The following RBMS3 variants were observed in gnomAD, a reference collection of about 807,000 sequenced individuals.
RBMS3 encodes RNA-binding motif, single-stranded-interacting protein 3.
Under a neutral mutation model 66.8 loss-of-function variants are expected in RBMS3, and 27 were observed. That is an observed-to-expected ratio of 0.40 (90% CI 0.30 to 0.56). RBMS3 has a LOEUF of 0.56. RBMS3 is among the 20% of genes least tolerant of loss of function. The probability of loss-of-function intolerance (pLI) is 0.40; values close to 1 mark genes in which losing one functional copy is unlikely to be tolerated. For missense variants in RBMS3, 513 were observed against 549.5 expected, an observed-to-expected ratio of 0.93 and a Z score of 0.66; for synonymous variants, 188 against 183.0, an observed-to-expected ratio of 1.03 and a Z score of -0.22.
intron 6 of RBMS3, among the ~76,000 whole-genome samples, chr3:29,830,689 C>A (rs1159719472): frequency 1.3e-5 from 2 of 152,078 alleles, no homozygotes; most frequent in East Asian, 3.9e-4. Context: ...TTAACTTCTA[C>A]TCAGACAGTA....
intron 6 of RBMS3, among the ~76,000 whole-genome samples, chr3:29,770,169 G>A (rs1362709365): frequency 6.6e-6 from 1 of 151,854 alleles, no homozygotes. Context: ...TGCCACTGGA[G>A]CTAGTTAAGC....
intron 1 of RBMS3, among the ~76,000 whole-genome samples, chr3:29,322,440 C>T (rs2035063491): frequency 6.6e-6 from 1 of 151,996 alleles, no homozygotes; most frequent in South Asian, 2.1e-4. Context: ...ATGTAATCCT[C>T]CACATGCTGT....
intron 1 of RBMS3, among the ~76,000 whole-genome samples, chr3:29,365,576 C>T (rs1197899664): frequency 6.6e-6 from 1 of 152,110 alleles, no homozygotes; most frequent in East Asian, 1.9e-4. Flanking sequence ...GTATTCTTTG[C>T]GTTAAGTCTC....
intron 3 of RBMS3, among the ~76,000 whole-genome samples, chr3:29,574,724 C>T (rs1278265587): frequency 1.3e-5 from 2 of 150,444 alleles, no homozygotes; most frequent in Non-Finnish European, 2.9e-5. Context: ...TTTTGTGTAT[C>T]CATTGTGTGT....
chr3:29,993,932 G>A lies in RBMS3; in HGVS notation c.1307+2723G>A, dbSNP rs144090298. On this transcript the variant is annotated intron_variant, in intron 14 of 14. Coordinates refer to ENST00000383767, the MANE Select transcript of RBMS3 (RefSeq NM_001003793.3). ...TCTCTGTATCGGGGGGAGGAACCAA[G>A]ATGGCCGAATAGGAACAGCTCCAGT... Among the ~76,000 whole-genome samples, 547 of 152,294 alleles carry A rather than the reference G, an allele frequency of 3.6e-3. 2 individuals are homozygous for A. The highest frequency in any genetic ancestry group is 0.012 in the African/African-American group (517 of 41,562).
chr3:29,521,290 T>G (rs1283565373), intron 3 of RBMS3, among the ~76,000 whole-genome samples: 1 of 152,220 alleles, frequency 6.6e-6, no homozygotes, highest in Non-Finnish European at 1.5e-5. Flanking sequence ...TCCTATGAGC[T>G]CTCTGATATT....
At chr3:29,884,595 ATTCT>A (rs2059825440) in intron 8 of RBMS3, among the ~76,000 whole-genome samples, 1 of 149,566 alleles carries the variant, frequency 6.7e-6, no homozygotes, top group Non-Finnish European at 1.5e-5. Flanking sequence ...AAGTCAATTT[ATTCT>A]TTCTTTCTGG....
At chr3:29,516,007 TG>T (rs1375454865) in intron 3 of RBMS3, among the ~76,000 whole-genome samples, 1 of 152,092 alleles carries the variant, frequency 6.6e-6, no homozygotes, top group Non-Finnish European at 1.5e-5. Flanking sequence ...ATTGTTTATG[TG>T]AGAGTTGAAG....
At chr3:29,486,657 A>C (rs1209970321) in intron 2 of RBMS3, among the ~76,000 whole-genome samples, 2 of 152,184 alleles carry the variant, frequency 1.3e-5, no homozygotes, top group Non-Finnish European at 2.9e-5. Context: ...CATATACTAC[A>C]TTTAATGCAG....
chr3:29,538,581 G>C (rs1250378655), intron 3 of RBMS3, among the ~76,000 whole-genome samples: 3 of 152,196 alleles, frequency 2.0e-5, no homozygotes, highest in Admixed American at 6.5e-5. Context: ...AAGCAAGTGA[G>C]TTTGAATTTG....
chr3:29,645,716 C>T (rs2049895670), intron 4 of RBMS3, among the ~76,000 whole-genome samples: 1 of 152,128 alleles, frequency 6.6e-6, no homozygotes, highest in African/African-American at 2.4e-5. Flanking sequence ...TGGGTTTGTG[C>T]TAATTTTTTC....
chr3:29,927,511 G>A (rs2060971218), intron 10 of RBMS3, among the ~76,000 whole-genome samples: 1 of 152,172 alleles, frequency 6.6e-6, no homozygotes, highest in African/African-American at 2.4e-5. Context: ...ATCAAAGTGT[G>A]TGCAAAATGT....
chr3:29,366,612 C>T (rs140075170), intron 1 of RBMS3, among the ~76,000 whole-genome samples: 3 of 151,998 alleles, frequency 2.0e-5, no homozygotes, highest in South Asian at 2.1e-4. Flanking sequence ...TGGGATCAAG[C>T]GATCTGCCCG....
intron 7 of RBMS3, among the ~76,000 whole-genome samples, chr3:29,882,873 A>G (rs759303959): frequency 3.3e-5 from 5 of 152,058 alleles, no homozygotes; most frequent in Non-Finnish European, 7.4e-5. Context: ...TAGCTCATCC[A>G]CTTTTTTTCT....
chr3:29,410,967 T>TA (rs112088181), intron 1 of RBMS3, among the ~76,000 whole-genome samples: 42,019 of 135,780 alleles, frequency 0.31, 6,774 homozygotes, highest in African/African-American at 0.45. Flanking sequence ...CCTTTCTTCT[T>TA]AAAAAAAAAA....
chr3:29,311,684 G>A (rs529525810), intron 1 of RBMS3, among the ~76,000 whole-genome samples: 1 of 151,958 alleles, frequency 6.6e-6, no homozygotes, highest in Admixed American at 6.6e-5. Flanking sequence ...ATAGGCGTAA[G>A]AGCATTGCAT....
intron 7 of RBMS3, among the ~76,000 whole-genome samples, chr3:29,872,831 C>T (rs1210389577): frequency 6.6e-6 from 1 of 152,152 alleles, no homozygotes; most frequent in Non-Finnish European, 1.5e-5. Context: ...GTTATCCCAA[C>T]ACCATTTATT....
intron 2 of RBMS3, among the ~76,000 whole-genome samples, chr3:29,456,063 G>T (rs1173752647): frequency 6.6e-6 from 1 of 152,152 alleles, no homozygotes; most frequent in Non-Finnish European, 1.5e-5. Context: ...TACAGAATCA[G>T]TGAATAATGA....
intron 10 of RBMS3, among the ~76,000 whole-genome samples, chr3:29,906,139 G>A (rs571522053): frequency 9.5e-4 from 145 of 152,044 alleles, no homozygotes; most frequent in South Asian, 5.0e-3. Context: ...TCAGGTTTCC[G>A]CCATATGTAT....
Sources: allele counts gnomAD v4.1 joint callset (sites outside exome capture counted in the v4.1 genomes callset), GRCh38; gene constraint gnomAD v4.1.1; transcripts MANE v1.5; gene names NCBI Gene and HGNC (gene_info 2026-07-23, HGNC 2026-07-21).